SYN3: variants seen among roughly 807,000 people sequenced by gnomAD.
SYN3 encodes synapsin-3.
A neutral mutation model predicts 65.8 loss-of-function variants in SYN3; 35 were observed. The observed-to-expected ratio is 0.53, with a 90% CI of 0.41 to 0.70. The LOEUF is 0.70. Ranked by LOEUF, SYN3 falls within the 30% of genes least tolerant of loss-of-function variation. The pLI, the probability that SYN3 is intolerant of heterozygous loss-of-function variation, is 0.00. For synonymous variants in SYN3, 270 were observed against 292.9 expected (o/e 0.92, Z 0.80); for missense variants, 680 against 749.0 (o/e 0.91, Z 1.08).
At chr22:32,665,980 C>A (rs976777822) in intron 6 of SYN3, among the ~76,000 whole-genome samples, 1 of 152,276 alleles carries the variant, frequency 6.6e-6, no homozygotes, top group Admixed American at 6.5e-5. Flanking sequence ...GCCCTTGAAT[C>A]TCTCCCCCAG....
intron 7 of SYN3, among the ~76,000 whole-genome samples, chr22:32,585,781 T>G (rs2146519831): frequency 6.6e-6 from 1 of 152,166 alleles, no homozygotes; most frequent in East Asian, 1.9e-4. Flanking sequence ...ACGCCTAGAA[T>G]CACAGCATTT....
intron 1 of SYN3, among the ~76,000 whole-genome samples, chr22:33,046,960 C>T (rs1219397583): frequency 6.6e-6 from 1 of 151,958 alleles, no homozygotes; most frequent in Non-Finnish European, 1.5e-5. Context: ...CTTCCCCCAC[C>T]TCTTACCTGT....
At chr22:32,964,811 T>C (rs944779206) in intron 3 of SYN3, among the ~76,000 whole-genome samples, 4 of 152,180 alleles carry the variant, frequency 2.6e-5, no homozygotes, top group African/African-American at 7.2e-5. Flanking sequence ...TGATGCCCCA[T>C]GACAGAACTT....
At chr22:32,515,013 C>CAA (rs969373157) in intron 13 of SYN3, among the ~76,000 whole-genome samples, 268 of 138,436 alleles carry the variant, frequency 1.9e-3, no homozygotes, top group African/African-American at 6.8e-3. Context: ...GACTCCATCT[C>CAA]AAAAAAAAAA....
chr22:32,521,979 C>G (rs2057892405), intron 12 of SYN3, among the ~76,000 whole-genome samples: 2 of 152,194 alleles, frequency 1.3e-5, no homozygotes, highest in Non-Finnish European at 2.9e-5. Context: ...GATTCAGAGA[C>G]CAGAGTGCTA....
At chr22:32,628,209 ATACAGT>A (rs2059697079) in intron 6 of SYN3, among the ~76,000 whole-genome samples, 1 of 152,038 alleles carries the variant, frequency 6.6e-6, no homozygotes, top group Non-Finnish European at 1.5e-5. Context: ...GGCAGGCAAG[ATACAGT>A]TCCAAAAGGC....
At chr22:32,884,515 C>T (rs1346287306) in intron 4 of SYN3, among the ~76,000 whole-genome samples, 1 of 152,226 alleles carries the variant, frequency 6.6e-6, no homozygotes, top group Admixed American at 6.5e-5. Context: ...AGATGTTTTT[C>T]TATGACCTTG....
At chr22:32,824,949 A>G (rs1356985754) in intron 6 of SYN3, among the ~76,000 whole-genome samples, 2 of 152,216 alleles carry the variant, frequency 1.3e-5, no homozygotes, top group Non-Finnish European at 2.9e-5. Flanking sequence ...GGCTTTGAGC[A>G]GTGACTTTAT....
intron 6 of SYN3, among the ~76,000 whole-genome samples, chr22:32,694,039 T>G (rs1486459623): frequency 6.6e-6 from 1 of 152,124 alleles, no homozygotes; most frequent in African/African-American, 2.4e-5. Flanking sequence ...GTTATATTTT[T>G]GAAGTTTCTG....
At chr22:32,962,902 T>C (rs370597688) in intron 3 of SYN3, among the ~76,000 whole-genome samples, 1 of 151,288 alleles carries the variant, frequency 6.6e-6, no homozygotes, top group East Asian at 1.9e-4. Flanking sequence ...TATATATATA[T>C]AAATATTTAT....
chr22:32,750,167 G>A (rs1317024160), intron 6 of SYN3, among the ~76,000 whole-genome samples: 6 of 152,234 alleles, frequency 3.9e-5, no homozygotes, highest in African/African-American at 1.4e-4. Context: ...TTGTATGTTA[G>A]CTGGGAGATG....
intron 6 of SYN3, among the ~76,000 whole-genome samples, chr22:32,676,528 C>CTTTTTTTTTTTTTTTTTTT (rs879196572): frequency 2.2e-4 from 20 of 88,910 alleles, no homozygotes; most frequent in South Asian, 3.9e-4. Flanking sequence ...TCTTTTCTTT[C>CTTTTTTTTTTTTTTTTTTT]TTTTTTTTTT....
intron 6 of SYN3, chr22:32,849,315 A>C: frequency 2.7e-6 from 2 of 728,550 alleles, no homozygotes; most frequent in East Asian, 2.7e-5. Flanking sequence ...TTGTAAACAC[A>C]ATCATCTATT....
chr22:32,821,143 T>TA (rs2047236435), intron 6 of SYN3, among the ~76,000 whole-genome samples: 1 of 152,042 alleles, frequency 6.6e-6, no homozygotes, highest in Non-Finnish European at 1.5e-5. Flanking sequence ...GAGATGAACT[T>TA]AGAGTCAAAA....
At chr22:32,535,386 C>T (rs549354998) in intron 9 of SYN3, among the ~76,000 whole-genome samples, 1 of 152,310 alleles carries the variant, frequency 6.6e-6, no homozygotes, top group South Asian at 2.1e-4. Flanking sequence ...AACAGCCAGA[C>T]TTGGGGCTCC....
chr22:32,835,595 G>A (rs1305342789), intron 6 of SYN3, among the ~76,000 whole-genome samples: 1 of 152,172 alleles, frequency 6.6e-6, no homozygotes, highest in Non-Finnish European at 1.5e-5. Flanking sequence ...AATGGTATGT[G>A]CAAAGGCCCC....
intron 3 of SYN3, among the ~76,000 whole-genome samples, chr22:32,967,349 A>G (rs1359561589): frequency 6.6e-6 from 1 of 152,178 alleles, no homozygotes; most frequent in Non-Finnish European, 1.5e-5. Flanking sequence ...CTAAAATCCT[A>G]TGTGATACTA....
rs533740381 is a variant in SYN3 at position 32,533,512 on chromosome 22, G to C, written c.1095+281C>G. Among the ~76,000 whole-genome samples, 5 of 152,258 alleles carry C rather than the reference G, an allele frequency of 3.3e-5. No homozygotes were observed. The East Asian group carries it at 9.7e-4, about 29-fold the overall frequency. ...ATGGGACAGTATCTTGTTGACCCTT[G>C]ACCAGATGCCCTTTCCTTCCCTTAG... is the stretch of plus-strand genomic sequence containing the variant. On this transcript the variant is annotated intron_variant, in intron 10 of 13. Transcript: ENST00000358763.
intron 3 of SYN3, among the ~76,000 whole-genome samples, chr22:32,933,575 TC>T (rs771178054): frequency 3.3e-5 from 5 of 152,160 alleles, no homozygotes; most frequent in Non-Finnish European, 7.4e-5. Flanking sequence ...ATTACAGGTA[TC>T]TGCCACCACA....
Sources: gnomAD v4.1 joint callset for allele counts (sites outside exome capture counted in the v4.1 genomes callset) on GRCh38, gnomAD v4.1.1 for gene constraint, MANE v1.5 for transcripts, NCBI Gene and HGNC (gene_info 2026-07-23, HGNC 2026-07-21) for gene names.